Variants in TTYH2 observed in about 807,000 individuals in gnomAD.
TTYH2 encodes tweety family member 2, also known as protein tweety homolog 2.
Under a neutral mutation model 68.3 loss-of-function variants are expected in TTYH2, and 49 were observed. The ratio of observed to expected loss-of-function variants is 0.72; its 90% confidence interval spans 0.57 to 0.91. The LOEUF (loss-of-function observed/expected upper bound fraction) is 0.91. Ranked by LOEUF, TTYH2 falls within the 40% of genes least tolerant of loss-of-function variation. TTYH2 has a pLI of 0.00. For synonymous variants in TTYH2, 272 were observed against 300.8 expected (o/e 0.90, Z 0.99); for missense variants, 631 against 700.4 (o/e 0.90, Z 1.12).
intron 1 of TTYH2, among the ~76,000 whole-genome samples, chr17:74,220,208 G>A (rs566786323): frequency 6.8e-4 from 103 of 152,258 alleles, no homozygotes; most frequent in Non-Finnish European, 1.3e-3. Context: ...GCTGCCAAGG[G>A]GCGGCCAGGA....
intron 13 of TTYH2, among the ~76,000 whole-genome samples, chr17:74,257,310 C>T (rs967881826): frequency 1.3e-5 from 2 of 152,188 alleles, no homozygotes; most frequent in Non-Finnish European, 2.9e-5. Context: ...AAGTTGACTG[C>T]CCAGTCCCAC....
chr17:74,256,604 G>T (rs578138537), intron 13 of TTYH2, among the ~76,000 whole-genome samples: 1 of 152,266 alleles, frequency 6.6e-6, no homozygotes, highest in Admixed American at 6.5e-5. Flanking sequence ...TGGGGTCCCC[G>T]GGAGTGGGCT....
At chr17:74,227,044 A>G (rs1425040462) in intron 2 of TTYH2, among the ~76,000 whole-genome samples, 1 of 151,976 alleles carries the variant, frequency 6.6e-6, no homozygotes, top group Non-Finnish European at 1.5e-5. Context: ...GCACGATCTC[A>G]GCTCACTGCA....
intron 4 of TTYH2, among the ~76,000 whole-genome samples, chr17:74,242,588 T>G (rs1374376555): frequency 1.3e-5 from 2 of 152,186 alleles, no homozygotes; most frequent in Non-Finnish European, 2.9e-5. Context: ...AGATGAGGTT[T>G]CACCACGTTG....
At chr17:74,220,543 C>T (rs1165685558) in intron 1 of TTYH2, among the ~76,000 whole-genome samples, 1 of 152,226 alleles carries the variant, frequency 6.6e-6, no homozygotes, top group African/African-American at 2.4e-5. Flanking sequence ...CTGTCTTGGC[C>T]TCCTCTGCCT....
At chr17:74,223,188 A>G (rs2050295138) in intron 2 of TTYH2, among the ~76,000 whole-genome samples, 1 of 151,440 alleles carries the variant, frequency 6.6e-6, no homozygotes, top group Non-Finnish European at 1.5e-5. Context: ...AGCTCACTGC[A>G]GCCACAAACT....
Position 74,241,551 on chromosome 17 carries a change from G to C in TTYH2, c.636-1823G>C, listed in dbSNP as rs2050501120. Among the ~76,000 whole-genome samples, 1 of 152,144 alleles carries C rather than the reference G, an allele frequency of 6.6e-6. No individual in the cohort carries two copies. The highest frequency in any genetic ancestry group is 1.5e-5 in the Non-Finnish European group (1 of 68,026). ...CGGGGAGTCAGAAAGAACCTCCCTTGGCTGCCAGGCCTCCAGCTTGCTCCC... is the reference window on the plus strand; with the variant it reads ...CGGGGAGTCAGAAAGAACCTCCCTTCGCTGCCAGGCCTCCAGCTTGCTCCC... On this transcript the variant is annotated intron_variant, in intron 4 of 13. Coordinates refer to ENST00000269346, the MANE Select transcript of TTYH2 (RefSeq NM_032646.6). This position sits in a 1 kb window ranked among gnomAD's most constrained non-coding sequence, Gnocchi z 4.1.
chr17:74,231,855 T>C (rs62063449), intron 3 of TTYH2, among the ~76,000 whole-genome samples: 1,595 of 152,208 alleles, frequency 0.01, 24 homozygotes, highest in South Asian at 0.057. Context: ...AAGGCTACTC[T>C]GCCAAGCCAG....
intron 8 of TTYH2, among the ~76,000 whole-genome samples, 183 bp downstream of exon 8, chr17:74,249,582 C>T (rs1379982723): frequency 6.6e-6 from 1 of 152,194 alleles, no homozygotes; most frequent in African/African-American, 2.4e-5. Flanking sequence ...GTGGTTAACA[C>T]ATATGCAGCT....
At position 74,213,885 on chromosome 17, in the gene TTYH2, T is replaced by TGGCCCGC. The variant is rs1263458727; in HGVS notation, c.129+171_129+177dup. Among the ~76,000 whole-genome samples, 1 of 151,546 alleles carries TGGCCCGC rather than the reference T, an allele frequency of 6.6e-6. No homozygotes were observed. Among genetic ancestry groups the TGGCCCGC allele is most frequent in the Non-Finnish European group, 1.5e-5 (1 of 67,874 alleles). On this transcript the variant is annotated intron_variant, in intron 1 of 13. Transcript: ENST00000269346. This position sits in a 1 kb window ranked among gnomAD's most constrained non-coding sequence, Gnocchi z 6.1. ...CTTTTCCCCCACCCTCCCAGGCCCG[T>TGGCCCGC]GGCCCGCGTCCCCTCCTGTCTGGGA...
chr17:74,250,638 T>G, intron 10 of TTYH2: 3 of 351,082 alleles, frequency 8.5e-6, no homozygotes, highest in Non-Finnish European at 1.0e-5. Context: ...AGGGAGGCTG[T>G]TCCCCATTGT....
At chr17:74,219,215 CA>C (rs567646208) in intron 1 of TTYH2, among the ~76,000 whole-genome samples, 175 of 131,078 alleles carry the variant, frequency 1.3e-3, no homozygotes, top group Non-Finnish European at 1.6e-3. Context: ...GACTCCGTCT[CA>C]AAAAAAAAAA....
intron 2 of TTYH2, among the ~76,000 whole-genome samples, chr17:74,224,137 C>T (rs1348195322): frequency 1.3e-5 from 2 of 152,158 alleles, no homozygotes; most frequent in African/African-American, 4.8e-5. Context: ...TGGCCGGGCG[C>T]GGTGACTCAT....
chr17:74,230,098 T>G (rs2050372292), intron 2 of TTYH2, among the ~76,000 whole-genome samples: 2 of 151,798 alleles, frequency 1.3e-5, no homozygotes, highest in Admixed American at 1.3e-4. Flanking sequence ...GCCATTGCAC[T>G]CCAGCCTGGG....
chr17:74,225,913 G>T (rs939019229), intron 2 of TTYH2, among the ~76,000 whole-genome samples: 9 of 152,240 alleles, frequency 5.9e-5, no homozygotes, highest in African/African-American at 2.2e-4. Context: ...CAGGCCATCA[G>T]GGAGGCCCAG....
At chr17:74,256,057 C>G (rs2050691034) in intron 13 of TTYH2, among the ~76,000 whole-genome samples, 1 of 152,172 alleles carries the variant, frequency 6.6e-6, no homozygotes, top group South Asian at 2.1e-4. Context: ...GCAAGTGGAA[C>G]CCAGTCCCTG....
intron 3 of TTYH2, among the ~76,000 whole-genome samples, chr17:74,235,907 A>C (rs1201762883): frequency 1.3e-5 from 2 of 152,002 alleles, no homozygotes; most frequent in African/African-American, 2.4e-5. Flanking sequence ...AAAAAAAAAA[A>C]AAAACAAAAA....
chr17:74,216,748 G>T (rs2050225304), intron 1 of TTYH2, among the ~76,000 whole-genome samples: 2 of 152,372 alleles, frequency 1.3e-5, no homozygotes. Context: ...GCCCTGGCGG[G>T]CACCCAGCTC....
At position 74,261,193 on chromosome 17, in the gene TTYH2, C is replaced by T. The variant is rs964025867; in HGVS notation, c.*984C>T. On this transcript the variant is annotated 3_prime_UTR_variant, in exon 14 of 14. Transcript: ENST00000269346. ...AGATCTGGAGGAGACGGGAAGGAGT[C>T]GATTCTTAAATAAGGATCAGTGAGG... 4 of 152,294 alleles carry T rather than the reference C, an allele frequency of 2.6e-5. No individual in the cohort carries two copies. The highest frequency in any genetic ancestry group is 7.2e-5 in the African/African-American group (3 of 41,382). 9.4% of individuals were successfully genotyped at this position (152,294 alleles called of 1,614,324 possible). A position where few individuals can be genotyped will look rare whatever the true frequency, so the allele number is the denominator to read the frequency against.
Sources: gnomAD v4.1 joint callset for allele counts (sites outside exome capture counted in the v4.1 genomes callset) on GRCh38, gnomAD v4.1.1 for gene constraint, Gnocchi (gnomAD v3.1) non-coding constraint, MANE v1.5 for transcripts, NCBI Gene and HGNC (gene_info 2026-07-23, HGNC 2026-07-21) for gene names.